The following PDE8B variants were observed in gnomAD, a reference collection of about 807,000 sequenced individuals.
PDE8B encodes the protein phosphodiesterase 8B.
Under a neutral mutation model 101.3 loss-of-function variants are expected in PDE8B, and 26 were observed. The ratio of observed to expected loss-of-function variants is 0.26; its 90% CI spans 0.19 to 0.36. PDE8B has a LOEUF of 0.36. Ranked by LOEUF, PDE8B falls within the 10% of genes least tolerant of loss-of-function variation. PDE8B has a pLI of 1.00. For synonymous variants in PDE8B, 424 were observed against 429.3 expected (o/e 0.99, Z 0.15); for missense variants, 810 against 1,163.1 (o/e 0.70, Z 4.42).
chr5:77,396,184 A>G (rs970380078), intron 10 of PDE8B, among the ~76,000 whole-genome samples: 6 of 152,246 alleles, frequency 3.9e-5, no homozygotes, highest in African/African-American at 1.2e-4. Context: ...ATTCCTTCAC[A>G]CAGTACCCTC....
chr5:77,363,851 G>C (rs936420794), intron 10 of PDE8B, among the ~76,000 whole-genome samples: 2 of 151,996 alleles, frequency 1.3e-5, no homozygotes, highest in Non-Finnish European at 2.9e-5. Context: ...TGAGCTGAGG[G>C]TACAGTTGGT....
intron 1 of PDE8B, among the ~76,000 whole-genome samples, chr5:77,238,483 T>C (rs376909460): frequency 1.0e-4 from 16 of 152,388 alleles, no homozygotes; most frequent in African/African-American, 3.8e-4. Flanking sequence ...GTGTTAACTC[T>C]TGCTTATTGG....
chr5:77,096,281 G>A, the PDE8B span, among the ~76,000 whole-genome samples: 8 of 152,256 alleles, frequency 5.3e-5, no homozygotes, highest in East Asian at 1.2e-3. Flanking sequence ...GAGCCACCGC[G>A]CTGAGCATGA....
intron 1 of PDE8B, among the ~76,000 whole-genome samples, chr5:77,240,681 A>G (rs1046749266): frequency 2.5e-4 from 38 of 152,358 alleles, no homozygotes; most frequent in African/African-American, 8.9e-4. Context: ...TAATTATTCA[A>G]ACACATTCAA....
chr5:77,328,807 T>A (rs764894129), intron 3 of PDE8B, among the ~76,000 whole-genome samples, 191 bp from the exon 4 acceptor site: 11 of 152,066 alleles, frequency 7.2e-5, no homozygotes, highest in East Asian at 1.9e-4. Context: ...AGAAAAAAAA[T>A]TTTTTAACGA....
At chr5:77,349,674 A>G in intron 8 of PDE8B, 115 bp downstream of exon 8, 1 of 1,196,022 alleles carries the variant, frequency 8.4e-7, no homozygotes, top group Non-Finnish European at 1.2e-6. Context: ...TAATTAAGTG[A>G]AAGATCTATT....
chr5:77,159,694 A>AG, the PDE8B span, among the ~76,000 whole-genome samples: 5 of 152,214 alleles, frequency 3.3e-5, no homozygotes, highest in Admixed American at 6.5e-5. Flanking sequence ...CAGCAGTGCT[A>AG]GTCTTGAGCT....
At chr5:77,223,564 T>A (rs1035389455) in intron 1 of PDE8B, among the ~76,000 whole-genome samples, 2 of 151,962 alleles carry the variant, frequency 1.3e-5, no homozygotes, top group African/African-American at 4.8e-5. Flanking sequence ...AGGTTCTAAG[T>A]CAAGCATTTA....
intron 1 of PDE8B, among the ~76,000 whole-genome samples, chr5:77,233,027 G>C (rs904419224): frequency 6.6e-6 from 1 of 152,128 alleles, no homozygotes; most frequent in African/African-American, 2.4e-5. Context: ...TAATCAGTTT[G>C]TTTTCCTTCT....
chr5:77,321,665 A>G (rs951555739), intron 2 of PDE8B, among the ~76,000 whole-genome samples: 1 of 152,180 alleles, frequency 6.6e-6, no homozygotes, highest in African/African-American at 2.4e-5. Context: ...GGTGATTACT[A>G]TAGTGTTTTA....
chr5:77,421,417 T>A (rs60233927), intron 19 of PDE8B, among the ~76,000 whole-genome samples: 8,801 of 152,166 alleles, frequency 0.058, 361 homozygotes, highest in African/African-American at 0.12. Context: ...TGCATTAAAG[T>A]AGCTAAAAGC....
chr5:77,218,835 A>G, intron 1 of PDE8B, among the ~76,000 whole-genome samples: 1 of 152,086 alleles, frequency 6.6e-6, no homozygotes, highest in Middle Eastern at 3.2e-3. Context: ...TCAAAATGAG[A>G]TTTTGGTTAT....
At chr5:77,185,779 G>A in the PDE8B span, among the ~76,000 whole-genome samples, 1 of 151,996 alleles carries the variant, frequency 6.6e-6, no homozygotes, top group Non-Finnish European at 1.5e-5. Flanking sequence ...AATTCCCTGG[G>A]TAATATTTAA....
At chr5:77,094,853 G>A in the PDE8B span, among the ~76,000 whole-genome samples, 94 of 152,274 alleles carry the variant, frequency 6.2e-4, no homozygotes, top group African/African-American at 2.2e-3. Context: ...GGAAGTAAGA[G>A]TGAGAACTCA....
At position 77,384,488 on chromosome 5, in the gene PDE8B, T is replaced by G. The variant is rs142657880; in HGVS notation, c.1168-15760T>G. On this transcript the variant is annotated intron_variant, in intron 10 of 21. Transcript: ENST00000264917. ...TTTCTTTCTCTTGCCTGATTGCCCT[T>G]GCCAGAACTTCCAATACCATGTTGA... 3.9e-3 allele frequency among the ~76,000 whole-genome samples: 587 copies of G among 152,298 alleles called. 4 individuals carry two copies. The highest frequency in any genetic ancestry group is 0.014 in the African/African-American group (567 of 41,578).
intron 5 of PDE8B, 74 bp from the exon 6 acceptor site, chr5:77,337,153 T>C (rs150803443): frequency 1.2e-6 from 1 of 824,524 alleles, no homozygotes; most frequent in East Asian, 2.6e-5. Context: ...TAGGAACAAC[T>C]GTTAAGTTTC....
chr5:77,127,986 T>A, the PDE8B span, among the ~76,000 whole-genome samples: 3 of 152,190 alleles, frequency 2.0e-5, no homozygotes, highest in Non-Finnish European at 4.4e-5. Flanking sequence ...CTGCAGGAGA[T>A]CAAATTCTTT....
At chr5:77,303,197 A>T (rs1382894) in intron 1 of PDE8B, among the ~76,000 whole-genome samples, 59,947 of 152,008 alleles carry the variant, frequency 0.39, 12,424 homozygotes, top group East Asian at 0.59. Context: ...AAGAAGATAG[A>T]AAGTTTAATT....
the PDE8B span, chr5:77,113,244 G>A: frequency 6.6e-6 from 1 of 152,118 alleles, no homozygotes; most frequent in Admixed American, 6.5e-5. Context: ...CAAACCTGGA[G>A]GCATCATGCT....
Sources: allele counts gnomAD v4.1 joint callset (sites outside exome capture counted in the v4.1 genomes callset), GRCh38; gene constraint gnomAD v4.1.1; transcripts MANE v1.5; gene names NCBI Gene and HGNC (gene_info 2026-07-23, HGNC 2026-07-21).